SYDE1: variants seen among roughly 807,000 people sequenced by gnomAD.
SYDE1 encodes the protein synapse defective Rho GTPase activating protein 1, also known as rho GTPase-activating protein SYDE1.
Under a neutral mutation model 63.3 loss-of-function variants are expected in SYDE1, and 34 were observed. The ratio of observed to expected loss-of-function variants is 0.54; its 90% CI spans 0.41 to 0.71. The LOEUF (loss-of-function observed/expected upper bound fraction) is 0.71. Ranked by LOEUF, SYDE1 falls within the 30% of genes least tolerant of loss-of-function variation. SYDE1 has a pLI of 0.00. For missense variants in SYDE1, 925 were observed against 1,042.5 expected, an observed-to-expected ratio of 0.89 and a Z score of 1.55; for synonymous variants, 467 against 473.4, an observed-to-expected ratio of 0.99 and a Z score of 0.18.
rs1355612747 is a variant in SYDE1, at chr19:15,114,027, C to T, written c.*64C>T. ...GGCGCCCAGTGGCTAAGGCGGTGCCCTGGTGACCAAGGAGAGCCAGACCTG... is the reference window on the plus strand; with the variant it reads ...GGCGCCCAGTGGCTAAGGCGGTGCCTTGGTGACCAAGGAGAGCCAGACCTG... On this transcript the variant is annotated 3_prime_UTR_variant, in exon 8 of 8. Coordinates refer to ENST00000342784, the MANE Select transcript of SYDE1 (RefSeq NM_033025.6). The T allele has an allele frequency of 2.0e-6, 3 of 1,511,508 alleles. No homozygotes were observed. The highest frequency in any genetic ancestry group is 2.7e-6 in the Non-Finnish European group (3 of 1,118,622). The allele number at this position is 1,511,508 out of a possible 1,614,324, so 93.6% of individuals were successfully genotyped here.
At position 15,111,449 on chromosome 19, in the gene SYDE1, G is replaced by A. The variant is rs745696248; in HGVS notation, c.1417+10G>A. 24 of 1,613,392 alleles carry A rather than the reference G, an allele frequency of 1.5e-5. No individual in the cohort carries two copies. The highest frequency in any genetic ancestry group is 1.9e-5 in the Non-Finnish European group (22 of 1,179,552). Reference sequence around the variant, plus strand: ...ATCAATGTCATCACTGGTCAGCATGGCCCCCTCTCCCCTGCCTGCTCACCC... The same window carrying A: ...ATCAATGTCATCACTGGTCAGCATGACCCCCTCTCCCCTGCCTGCTCACCC... On this transcript the variant is annotated intron_variant, in intron 5 of 7. Coordinates refer to ENST00000342784, the MANE Select transcript of SYDE1 (RefSeq NM_033025.6). This position sits in a 1 kb window ranked among gnomAD's most constrained non-coding sequence, Gnocchi z 5.5.
At position 15,113,583 on chromosome 19, in the gene SYDE1, C is replaced by T. The variant is rs932076311; in HGVS notation, c.1828C>T (p.Pro610Ser). The T allele has an allele frequency of 8.9e-6, 14 of 1,574,120 alleles. No individual in the cohort carries two copies. Among genetic ancestry groups the T allele is most frequent in the Middle Eastern group, 1.7e-4 (1 of 5,886 alleles). ...AGATCCCCGCCTGCCCCGACAATCTCCAGATGTCGCGCCTTACTTGCGACC... is the reference window on the plus strand; with the variant it reads ...AGATCCCCGCCTGCCCCGACAATCTTCAGATGTCGCGCCTTACTTGCGACC... ...WPDPRLPRQS[P>S]DVAPYLRPKR... Residue 610 changes from proline to serine, a missense_variant, in exon 8 of 8, where the codon CCA becomes TCA. By Grantham distance (74) the Pro-to-Ser change is moderately conservative. Coordinates refer to ENST00000342784, the MANE Select transcript of SYDE1 (RefSeq NM_033025.6).
In SYDE1 at chr19:15,111,937, A is replaced by G. The variant is rs369580705; in HGVS notation, c.1578+145A>G. The stretch of plus-strand genomic sequence containing the variant: ...ATAGGTGCTATTAGCATCCCACTTC[A>G]TAGATTTGGAAACTGAGGCCCAAAG... On this transcript the variant is annotated intron_variant, in intron 6 of 7. Coordinates refer to ENST00000342784, the MANE Select transcript of SYDE1 (RefSeq NM_033025.6). The surrounding 1 kb of genome is among the most constrained non-coding windows in gnomAD (Gnocchi z 5.5). 49 of 881,272 alleles carry G rather than the reference A, an allele frequency of 5.6e-5. No homozygotes were observed. The African/African-American group carries it at 8.3e-4, about 15-fold the overall frequency. 54.6% of individuals were successfully genotyped at this position (881,272 alleles called of 1,614,324 possible).
At position 15,114,088 on chromosome 19, in the gene SYDE1, C is replaced by G. The variant is rs1167711207; in HGVS notation, c.*125C>G. ...CGAGCTCCTGGTTGCCAGCGAGTTA[C>G]CACGGGACCAGTCGCGTGTATGGCT... On this transcript the variant is annotated 3_prime_UTR_variant, in exon 8 of 8. Coordinates refer to ENST00000342784, the MANE Select transcript of SYDE1 (RefSeq NM_033025.6). The G allele has an allele frequency of 4.2e-6, 4 of 947,672 alleles. No homozygotes were observed. The highest frequency in any genetic ancestry group is 6.4e-6 in the Non-Finnish European group (4 of 628,384). 58.7% of individuals were successfully genotyped at this position (947,672 alleles called of 1,614,324 possible).
At position 15,110,669 on chromosome 19, in the gene SYDE1, G is replaced by C. The variant is rs2145326103; in HGVS notation, c.1224G>C (p.Arg408=). The C allele has an allele frequency of 4.4e-6, 7 of 1,583,688 alleles. No individual in the cohort carries two copies. In the East Asian group the frequency reaches 1.6e-4, roughly 37 times the overall value. ...LPLPLLVERE[R]PPGQVPLIIQ... ...TGCCACTGCTGGTGGAGCGGGAGCG[G>C]CCCCCCGGCCAGGTGCCCCTCATCA... The change falls in exon 4 of 8, where the codon CGG becomes CGC. Residue 408 remains arginine (R), a synonymous_variant. Coordinates refer to ENST00000342784, the MANE Select transcript of SYDE1 (RefSeq NM_033025.6). The surrounding 1 kb of genome is among the most constrained non-coding windows in gnomAD (Gnocchi z 6.9).
rs769562774 is a variant in SYDE1 at position 15,107,444 on chromosome 19, C to A, written c.11C>A (p.Pro4Gln). The A allele has an allele frequency of 4.7e-6, 7 of 1,477,182 alleles. No homozygotes were observed. Among genetic ancestry groups the A allele is most frequent in the Middle Eastern group, 1.9e-4 (1 of 5,244 alleles). 91.5% of individuals were successfully genotyped at this position (1,477,182 alleles called of 1,614,324 possible). MAEPLLRKTFSRLR... is the reference protein window; with the variant it reads MAEQLLRKTFSRLR... ...GGCCCGGGCCGCAGCATGGCCGAGC[C>A]GCTACTCAGGAAAACCTTCTCCCGC... Residue 4 changes from proline to glutamine, a missense_variant, in exon 1 of 8, where the codon CCG becomes CAG. This residue lies in a region of SYDE1 where 599 missense variants were observed against 653.7 expected (regional missense o/e 0.92). Transcript: ENST00000342784.
chr19:15,109,572 A>G lies in SYDE1; in HGVS notation c.431-132A>G. The G allele has an allele frequency of 2.2e-6, 2 of 926,744 alleles. No homozygotes were observed. The highest frequency in any genetic ancestry group is 1.8e-5 in the South Asian group (1 of 55,914). 57.4% of individuals were successfully genotyped at this position (926,744 alleles called of 1,614,324 possible). A position where few individuals can be genotyped will look rare whatever the true frequency, so the allele number is the denominator to read the frequency against. ...CCACCCCGTCAGATGCTCCCAGAGGAGCATCAGCCTCACACCCTCCTCCCC... is the reference window on the plus strand; with the variant it reads ...CCACCCCGTCAGATGCTCCCAGAGGGGCATCAGCCTCACACCCTCCTCCCC... On this transcript the variant is annotated intron_variant, in intron 2 of 7. Coordinates refer to ENST00000342784, the MANE Select transcript of SYDE1 (RefSeq NM_033025.6). The surrounding 1 kb of genome is among the most constrained non-coding windows in gnomAD (Gnocchi z 5.0).
chr19:15,109,336 A>C lies in SYDE1; in HGVS notation c.369A>C (p.Pro123=), dbSNP rs1274720216. 1.9e-6 allele frequency: 3 copies of C among 1,604,232 alleles called. No homozygotes were observed. Among genetic ancestry groups the C allele is most frequent in the Non-Finnish European group, 2.6e-6 (3 of 1,174,330 alleles). The change falls in exon 2 of 8, where the codon CCA becomes CCC. Residue 123 remains proline, a synonymous_variant. Coordinates refer to ENST00000342784, the MANE Select transcript of SYDE1 (RefSeq NM_033025.6). This position sits in a 1 kb window ranked among gnomAD's most constrained non-coding sequence, Gnocchi z 5.0. ...NPIPEEDPRP[P]APEPPGPQPG... is the part of the protein sequence containing the mutation. ...TCCCTGAGGAAGACCCCAGACCTCC[A>C]GCACCTGAGCCCCCGGGGCCACAGC...
At position 15,113,801 on chromosome 19, in the gene SYDE1, CAGCGAG is replaced by C; in HGVS notation, c.2047_2052del (p.Ser683_Glu684del). On this transcript the variant is annotated inframe_deletion, in exon 8 of 8. Transcript: ENST00000342784. ...ACTACGACCACGTGACGGGCAGTGA[CAGCGAG>C]GACGAGGACGAGGAGGTCGGCGAGC... is the stretch of plus-strand genomic sequence containing the variant. 6.2e-7 allele frequency: 1 copy of C among 1,614,152 alleles called. No individual in the cohort carries two copies. Among genetic ancestry groups the C allele is most frequent in the South Asian group, 1.1e-5 (1 of 91,086 alleles).
At position 15,114,419 on chromosome 19, in the gene SYDE1, C is replaced by T. The variant is rs569431199; in HGVS notation, c.*456C>T. 3 of 167,090 alleles carry T rather than the reference C, an allele frequency of 1.8e-5. No homozygotes were observed. The highest frequency in any genetic ancestry group is 1.7e-4 in the South Asian group (1 of 6,018). 10.4% of individuals were successfully genotyped at this position (167,090 alleles called of 1,614,324 possible). A position where few individuals can be genotyped will look rare whatever the true frequency, so the allele number is the denominator to read the frequency against. On this transcript the variant is annotated 3_prime_UTR_variant, in exon 8 of 8. Transcript: ENST00000342784. The stretch of plus-strand genomic sequence containing the variant: ...CTGCACTGTTTCTCCCTCCCTTGGA[C>T]GACACAAAGACTAGCATGAGGCACT...
chr19:15,111,668 C>T lies in SYDE1; in HGVS notation c.1454C>T (p.Pro485Leu), dbSNP rs755526774. Residue 485 changes from proline (P) to leucine (L), a missense_variant, in exon 6 of 8, where the codon CCA becomes CTA. Physicochemically the swap from Pro to Leu is moderately conservative, Grantham distance 98. This residue lies in a region of SYDE1 where 71 missense variants were observed against 132.8 expected (regional missense o/e 0.53). Coordinates refer to ENST00000342784, the MANE Select transcript of SYDE1 (RefSeq NM_033025.6). This position sits in a 1 kb window ranked among gnomAD's most constrained non-coding sequence, Gnocchi z 5.5. ...LKDYLRELPT[P>L]LITQPLYKVV... ...GATTATCTTCGAGAGTTGCCCACCC[C>T]ACTCATCACCCAGCCCCTGTATAAG... 1 of 1,613,836 alleles carries T rather than the reference C, an allele frequency of 6.2e-7. No homozygotes were observed. The highest frequency in any genetic ancestry group is 8.5e-7 in the Non-Finnish European group (1 of 1,179,914).
Position 15,110,233 on chromosome 19 carries a change from C to A in SYDE1, c.960C>A (p.His320Gln). 1 of 1,416,952 alleles carries A rather than the reference C, an allele frequency of 7.1e-7. No individual in the cohort carries two copies. The allele number at this position is 1,416,952 out of a possible 1,614,324, so 87.8% of individuals were successfully genotyped here. A position where few individuals can be genotyped will look rare whatever the true frequency, so the allele number is the denominator to read the frequency against. ...TCCTGCGGCTGGACCACACCTTCCA[C>A]CTGGAGCTGGAGGCCGCCAGGCTCC... ...PDFLRLDHTF[H>Q]LELEAARLLR... is the part of the protein sequence containing the mutation. Residue 320 changes from histidine (H) to glutamine (Q), a missense_variant, in exon 3 of 8, where the codon CAC (histidine) becomes CAA (glutamine). By Grantham distance (24) the His-to-Gln change is conservative. Around this residue, in one of 3 missense-constraint regions of SYDE1, gnomAD observed 599 missense variants for 653.7 expected, o/e 0.92. Transcript: ENST00000342784. The surrounding 1 kb of genome is among the most constrained non-coding windows in gnomAD (Gnocchi z 6.9).
At chr19:15,112,859 T>C (rs2046354101) in intron 7 of SYDE1, among the ~76,000 whole-genome samples, 1 of 152,166 alleles carries the variant, frequency 6.6e-6, no homozygotes, top group Non-Finnish European at 1.5e-5. Flanking sequence ...ACTGGGATTA[T>C]AAACCAAATC....
Position 15,109,421 on chromosome 19 carries a change from T to A in SYDE1, c.430+24T>A, listed in dbSNP as rs755635411. On this transcript the variant is annotated intron_variant, in intron 2 of 7. Coordinates refer to ENST00000342784, the MANE Select transcript of SYDE1 (RefSeq NM_033025.6). This position sits in a 1 kb window ranked among gnomAD's most constrained non-coding sequence, Gnocchi z 5.0. ...AGGTAAGAACAAGCTTCCCATCCCC[T>A]TCCCCAAGGTGAGCACCAGCTCCAC... The A allele has an allele frequency of 1.5e-5, 22 of 1,514,162 alleles. No individual in the cohort carries two copies. In the South Asian group the frequency reaches 1.8e-4, roughly 12 times the overall value. The allele number at this position is 1,514,162 out of a possible 1,614,324, so 93.8% of individuals were successfully genotyped here. A position where few individuals can be genotyped will look rare whatever the true frequency, so the allele number is the denominator to read the frequency against.
Position 15,109,700 on chromosome 19 carries a change from A to T in SYDE1, c.431-4A>T. ...CTGGACCCTGAAGTCTGCTCTCCAC[A>T]CAGGTGCAGCCCCCGCCAGCCCCCC... On this transcript the variant is annotated splice_region_variant and splice_polypyrimidine_tract_variant and intron_variant, in intron 2 of 7. Coordinates refer to ENST00000342784, the MANE Select transcript of SYDE1 (RefSeq NM_033025.6). The surrounding 1 kb of genome is among the most constrained non-coding windows in gnomAD (Gnocchi z 5.0). The T allele has an allele frequency of 6.7e-7, 1 of 1,483,258 alleles. No individual in the cohort carries two copies. The highest frequency in any genetic ancestry group is 9.0e-7 in the Non-Finnish European group (1 of 1,114,232). The allele number at this position is 1,483,258 out of a possible 1,614,324, so 91.9% of individuals were successfully genotyped here. A position where few individuals can be genotyped will look rare whatever the true frequency, so the allele number is the denominator to read the frequency against.
Position 15,112,472 on chromosome 19 carries a change from A to G in SYDE1, c.1705A>G (p.Thr569Ala). Residue 569 changes from threonine to alanine, a missense_variant, in exon 7 of 8, where the codon ACA becomes GCA. Physicochemically the swap from Thr to Ala is moderately conservative, Grantham distance 58. This residue lies in a region of SYDE1 where 255 missense variants were observed against 255.9 expected (regional missense o/e 1.00). Transcript: ENST00000342784. ...GCTGCTGCCGGCACGCCAGGCGCCC[A>G]CAAGGCCTCGTGCCCGCAGCTCCGG... Reference protein sequence around the residue: ...PVLLPARQAPTRPRARSSGPG... With the variant: ...PVLLPARQAPARPRARSSGPG... The G allele has an allele frequency of 6.2e-7, 1 of 1,606,434 alleles. No individual in the cohort carries two copies. Among genetic ancestry groups the G allele is most frequent in the Non-Finnish European group, 8.5e-7 (1 of 1,176,954 alleles).
At position 15,109,642 on chromosome 19, in the gene SYDE1, C is replaced by A; in HGVS notation, c.431-62C>A. On this transcript the variant is annotated intron_variant, in intron 2 of 7. Coordinates refer to ENST00000342784, the MANE Select transcript of SYDE1 (RefSeq NM_033025.6). This position sits in a 1 kb window ranked among gnomAD's most constrained non-coding sequence, Gnocchi z 5.0. ...CACACTCCTTCCCTTCAGGGGAGCA[C>A]CAGCCTCACCCCCCTCCCCTAAGCC... 1 of 1,050,618 alleles carries A rather than the reference C, an allele frequency of 9.5e-7. No individual in the cohort carries two copies. Among genetic ancestry groups the A allele is most frequent in the Non-Finnish European group, 1.3e-6 (1 of 746,200 alleles). 65.1% of individuals were successfully genotyped at this position (1,050,618 alleles called of 1,614,324 possible).
rs1353802728 is a variant in SYDE1, at chr19:15,109,276, T to C, written c.309T>C (p.Thr103=). The C allele has an allele frequency of 2.5e-6, 4 of 1,611,866 alleles. No individual in the cohort carries two copies. Among genetic ancestry groups the C allele is most frequent in the Admixed American group, 3.3e-5 (2 of 59,702 alleles). The change falls in exon 2 of 8, where the codon ACT becomes ACC. Residue 103 remains threonine, a synonymous_variant. Transcript: ENST00000342784. This position sits in a 1 kb window ranked among gnomAD's most constrained non-coding sequence, Gnocchi z 5.0. ...CTTTAGGGCCTGGGGTACCTGGCAC[T>C]GGGGAGCCCGCCGGCGAGATCTGGT... ...DTSLGPGVPG[T]GEPAGEIWYN...
chr19:15,107,525 A>G lies in SYDE1; in HGVS notation c.88+4A>G, dbSNP rs1052910055. 1.5e-5 allele frequency: 23 copies of G among 1,534,036 alleles called. No homozygotes were observed. The highest frequency in any genetic ancestry group is 2.0e-5 in the Admixed American group (1 of 50,832). ...AAGTCGGACGCCAAGGAGCGCGGTA[A>G]GCGGAGATCGGTGGGGAACAGGGGG... On this transcript the variant is annotated splice_donor_region_variant and intron_variant, in intron 1 of 7. Coordinates refer to ENST00000342784, the MANE Select transcript of SYDE1 (RefSeq NM_033025.6).
Sources: gnomAD v4.1 joint callset for allele counts (sites outside exome capture counted in the v4.1 genomes callset) on GRCh38, gnomAD v4.1.1 for gene constraint, gnomAD v4.1.1 regional missense constraint, Gnocchi (gnomAD v3.1) non-coding constraint, MANE v1.5 for transcripts, NCBI Gene and HGNC (gene_info 2026-07-23, HGNC 2026-07-21) for gene names.